SYCP2: variants seen among roughly 807,000 people sequenced by gnomAD.
SYCP2 encodes synaptonemal complex lateral element protein.
SYCP2 carries 55 observed loss-of-function variants against 211.3 expected under a neutral mutation model. That is an observed-to-expected ratio of 0.26 (90% CI 0.21 to 0.33). The LOEUF (loss-of-function observed/expected upper bound fraction) is 0.33, where lower values mean the gene tolerates loss of function less well. Among genes scored for constraint, SYCP2 ranks in the 10% least tolerant of loss-of-function variants. SYCP2 has a pLI of 1.00. For synonymous variants in SYCP2, 570 were observed against 555.2 expected (o/e 1.03, Z -0.37); for missense variants, 1,731 against 1,752.0 (o/e 0.99, Z 0.21).
chr20:59,873,357 T>C (rs2059490323), intron 35 of SYCP2, among the ~76,000 whole-genome samples: 1 of 152,180 alleles, frequency 6.6e-6, no homozygotes, highest in African/African-American at 2.4e-5. Context: ...ACAGTTGATC[T>C]GATAACCAAG....
At chr20:59,867,384 T>C (rs1329838339) in intron 39 of SYCP2, among the ~76,000 whole-genome samples, 1 of 150,936 alleles carries the variant, frequency 6.6e-6, no homozygotes, top group Non-Finnish European at 1.5e-5. Context: ...TACTACACTA[T>C]ACTATCTTCA....
intron 27 of SYCP2, 41 bp downstream of exon 27, chr20:59,882,054 C>G: frequency 6.2e-7 from 1 of 1,607,052 alleles, no homozygotes; most frequent in Non-Finnish European, 8.5e-7. Flanking sequence ...GTAGTCTCTT[C>G]AAATATGAAG....
chr20:59,907,320 T>C (rs1311005310), intron 15 of SYCP2, 44 bp downstream of exon 15: 1 of 1,244,240 alleles, frequency 8.0e-7, no homozygotes, highest in African/African-American at 1.5e-5. Flanking sequence ...TTGTTCCATA[T>C]GGTAAGAATT....
At chr20:59,898,195 T>C (rs1322173026) in intron 18 of SYCP2, among the ~76,000 whole-genome samples, 2 of 152,174 alleles carry the variant, frequency 1.3e-5, no homozygotes, top group Admixed American at 6.6e-5. Flanking sequence ...AAATACCATT[T>C]GACTCAGCAA....
chr20:59,908,433 A>G (rs1020968038), intron 14 of SYCP2, among the ~76,000 whole-genome samples: 2 of 152,102 alleles, frequency 1.3e-5, no homozygotes, highest in Non-Finnish European at 2.9e-5. Context: ...CCTTACCTCA[A>G]AACCTCAGGA....
At chr20:59,909,622 C>T (rs562792487) in intron 14 of SYCP2, among the ~76,000 whole-genome samples, 48 of 152,306 alleles carry the variant, frequency 3.2e-4, no homozygotes, top group African/African-American at 1.1e-3. Flanking sequence ...GATGTTACCT[C>T]CTACTTAAAA....
chr20:59,864,186 GTTCCTA>G lies in SYCP2; in HGVS notation c.*119_*124del. ...AAAGACATTTTTTTTTAATTTGAGG[GTTCCTA>G]TAAAGGGTACACTTGCTTCGGTGAC... On this transcript the variant is annotated 3_prime_UTR_variant, in exon 45 of 45. Coordinates refer to ENST00000357552, the MANE Select transcript of SYCP2 (RefSeq NM_014258.4). 3.4e-6 allele frequency: 2 copies of G among 586,220 alleles called. No individual in the cohort carries two copies. The highest frequency in any genetic ancestry group is 5.6e-6 in the Non-Finnish European group (2 of 354,944). 36.3% of individuals were successfully genotyped at this position (586,220 alleles called of 1,614,324 possible).
At chr20:59,880,178 G>T in intron 31 of SYCP2, 125 bp downstream of exon 31, 1 of 724,182 alleles carries the variant, frequency 1.4e-6, no homozygotes, top group Non-Finnish European at 2.2e-6. Context: ...CTAGTGTTTT[G>T]TCCTATCCAT....
At position 59,892,435 on chromosome 20, in the gene SYCP2, GA is replaced by G; in HGVS notation, c.1928-10del. On this transcript the variant is annotated splice_polypyrimidine_tract_variant and intron_variant, in intron 23 of 44. Transcript: ENST00000357552. ...TTTATTTATAACAATATCTATTGGGGAAAATGAGAAATTAATTCTTTTTAAA... is the reference window on the plus strand; with the variant it reads ...TTTATTTATAACAATATCTATTGGGGAAATGAGAAATTAATTCTTTTTAAA... 1.4e-6 allele frequency: 2 copies of G among 1,468,342 alleles called. No homozygotes were observed. The highest frequency in any genetic ancestry group is 1.8e-6 in the Non-Finnish European group (2 of 1,091,782). The allele number at this position is 1,468,342 out of a possible 1,614,324, so 91.0% of individuals were successfully genotyped here. A position where few individuals can be genotyped will look rare whatever the true frequency, so the allele number is the denominator to read the frequency against.
rs1433148541 is a variant in SYCP2 at position 59,868,588 on chromosome 20, A to C, written c.3833-20T>G. 6.4e-7 allele frequency: 1 copy of C among 1,553,868 alleles called. No homozygotes were observed. Among genetic ancestry groups the C allele is most frequent in the Admixed American group, 2.3e-5 (1 of 43,308 alleles). ...TGGGGCCTTAGGAACAGTTAAAGAAAGTTAAAAGCGCTGCAATTTTCATTA... is the reference window on the plus strand; with the variant it reads ...TGGGGCCTTAGGAACAGTTAAAGAACGTTAAAAGCGCTGCAATTTTCATTA... On this transcript the variant is annotated intron_variant, in intron 37 of 44. Coordinates refer to ENST00000357552, the MANE Select transcript of SYCP2 (RefSeq NM_014258.4).
chr20:59,911,134 G>C (rs1465772618), intron 14 of SYCP2, among the ~76,000 whole-genome samples: 1 of 152,096 alleles, frequency 6.6e-6, no homozygotes, highest in Admixed American at 6.6e-5. Context: ...TTGGCAAACG[G>C]ACTGCATAAT....
intron 26 of SYCP2, 32 bp downstream of exon 26, chr20:59,885,896 A>G: frequency 6.5e-7 from 1 of 1,544,686 alleles, no homozygotes; most frequent in Non-Finnish European, 8.9e-7. Flanking sequence ...GTTTGACTAT[A>G]GATTTGGTGA....
At chr20:59,900,661 C>T in intron 17 of SYCP2, 83 bp downstream of exon 17, 1 of 1,040,884 alleles carries the variant, frequency 9.6e-7, no homozygotes, top group Non-Finnish European at 1.4e-6. Context: ...TATATTCACC[C>T]TCCAACAACA....
rs1450824044 is a variant in SYCP2 at position 59,881,444 on chromosome 20, T to C, written c.2707A>G (p.Ile903Val). 1.3e-5 allele frequency: 20 copies of C among 1,520,008 alleles called. No homozygotes were observed. The highest frequency in any genetic ancestry group is 1.4e-5 in the African/African-American group (1 of 70,792). The allele number at this position is 1,520,008 out of a possible 1,614,324, so 94.2% of individuals were successfully genotyped here. Residue 903 changes from isoleucine (I) to valine (V), a missense_variant, in exon 29 of 45, where the codon ATT becomes GTT. This residue lies in a region of SYCP2 where 1,387 missense variants were observed against 1,351.3 expected (regional missense o/e 1.03). Coordinates refer to ENST00000357552, the MANE Select transcript of SYCP2 (RefSeq NM_014258.4). ...TAKEACADRS[I>V]RLVGPRNHDE... is the part of the protein sequence containing the mutation. ...TCTAATAAAAATACCTACAATCTAA[T>C]TGACCTATCCGCACAAGCTTCTTTA...
intron 24 of SYCP2, among the ~76,000 whole-genome samples, chr20:59,889,810 A>C (rs2059869104): frequency 6.6e-6 from 1 of 152,078 alleles, no homozygotes; most frequent in Non-Finnish European, 1.5e-5. Flanking sequence ...GGGGTGATCC[A>C]ATAAGTAGAA....
chr20:59,889,399 A>T (rs1030548567), intron 24 of SYCP2, among the ~76,000 whole-genome samples: 40 of 152,066 alleles, frequency 2.6e-4, no homozygotes, highest in African/African-American at 5.5e-4. Flanking sequence ...GATTTTTTTT[A>T]AAAGTAAAAG....
At chr20:59,916,846 G>C (rs928674661) in intron 7 of SYCP2, among the ~76,000 whole-genome samples, 1 of 152,140 alleles carries the variant, frequency 6.6e-6, no homozygotes, top group African/African-American at 2.4e-5. Context: ...CTGAGCCCAG[G>C]AGGTCAAAGC....
Position 59,893,578 on chromosome 20 carries a change from T to C in SYCP2, c.1681A>G (p.Lys561Glu). 6.2e-7 allele frequency: 1 copy of C among 1,608,756 alleles called. No homozygotes were observed. Among genetic ancestry groups the C allele is most frequent in the Non-Finnish European group, 8.5e-7 (1 of 1,176,818 alleles). ...TTATTTTCTGTGTTTTCTACACACTTAGCAGTTTTGATATGCTGTAAACAC... is the reference window on the plus strand; with the variant it reads ...TTATTTTCTGTGTTTTCTACACACTCAGCAGTTTTGATATGCTGTAAACAC... ...DNIDKHIKTA[K>E]CVENTENKNV... Residue 561 changes from lysine to glutamate, a missense_variant, in exon 21 of 45, where the codon AAG (lysine) becomes GAG (glutamate). Coordinates refer to ENST00000357552, the MANE Select transcript of SYCP2 (RefSeq NM_014258.4).
At chr20:59,911,982 T>A in intron 13 of SYCP2, 137 bp from the exon 14 acceptor site, 1 of 459,048 alleles carries the variant, frequency 2.2e-6, no homozygotes. Context: ...AAGTATAATA[T>A]TTAGATAAAT....
Sources: allele counts gnomAD v4.1 joint callset (sites outside exome capture counted in the v4.1 genomes callset), GRCh38; gene constraint gnomAD v4.1.1; regional missense constraint gnomAD v4.1.1; transcripts MANE v1.5; gene names NCBI Gene and HGNC (gene_info 2026-07-23, HGNC 2026-07-21).